The following ARHGAP18 variants were observed in gnomAD, a reference collection of about 807,000 sequenced individuals.
ARHGAP18 encodes the protein rho GTPase-activating protein 18.
Under a neutral mutation model 86.2 loss-of-function variants are expected in ARHGAP18, and 67 were observed. That is an observed-to-expected ratio of 0.78 (90% CI 0.64 to 0.95). ARHGAP18 has a LOEUF of 0.95. Among genes scored for constraint, ARHGAP18 ranks in the 40% least tolerant of loss-of-function variants. The pLI is 0.00. For synonymous variants in ARHGAP18, 283 were observed against 280.4 expected (o/e 1.01, Z -0.09); for missense variants, 691 against 780.4 (o/e 0.89, Z 1.37).
At chr6:129,630,122 C>A (rs771031839) in intron 4 of ARHGAP18, among the ~76,000 whole-genome samples, 1 of 152,148 alleles carries the variant, frequency 6.6e-6, no homozygotes, top group Non-Finnish European at 1.5e-5. Flanking sequence ...TGGGTTTGCA[C>A]CTGATCATGT....
intron 12 of ARHGAP18, among the ~76,000 whole-genome samples, chr6:129,585,594 C>T (rs9398907): frequency 6.6e-6 from 1 of 152,184 alleles, no homozygotes; most frequent in African/African-American, 2.4e-5. Flanking sequence ...GACCATCAAC[C>T]TCAGAAATCC....
At chr6:129,697,292 C>A (rs1254582003) in intron 1 of ARHGAP18, among the ~76,000 whole-genome samples, 2 of 152,180 alleles carry the variant, frequency 1.3e-5, no homozygotes, top group African/African-American at 4.8e-5. Flanking sequence ...TTGTGATCCT[C>A]CAGAATCAGA....
chr6:129,610,182 A>C (rs1386819500), intron 8 of ARHGAP18, among the ~76,000 whole-genome samples: 2 of 152,230 alleles, frequency 1.3e-5, no homozygotes, highest in Non-Finnish European at 2.9e-5. Context: ...ATAGGGTAAA[A>C]GTTAGTAGTT....
At chr6:129,708,742 T>C (rs148974761) in intron 1 of ARHGAP18, among the ~76,000 whole-genome samples, 50 of 152,360 alleles carry the variant, frequency 3.3e-4, no homozygotes, top group African/African-American at 1.2e-3. Flanking sequence ...GGTATGGGGT[T>C]GGTGTTGCAG....
At chr6:129,629,299 G>GTA (rs1378848335) in intron 5 of ARHGAP18, 54 bp downstream of exon 5, 12 of 1,405,944 alleles carry the variant, frequency 8.5e-6, no homozygotes, top group Admixed American at 5.3e-5. Flanking sequence ...ATGTGTGTGT[G>GTA]TATATATATG....
rs1773216054 is a variant in ARHGAP18, at chr6:129,631,727, AACC to A, written c.617-2208_617-2206del. ...TGAAATGCCTTAAAAAATTTTTTTTAACCACCTGACTTTAAGATTCAATTGCTT... is the reference window on the plus strand; with the variant it reads ...TGAAATGCCTTAAAAAATTTTTTTTAACCTGACTTTAAGATTCAATTGCTT... On this transcript the variant is annotated intron_variant, in intron 4 of 14. Transcript: ENST00000368149. Among the ~76,000 whole-genome samples the A allele has an allele frequency of 3.9e-5, 6 of 151,912 alleles. No individual in the cohort carries two copies. In the South Asian group the frequency reaches 1.2e-3, roughly 32 times the overall value.
intron 8 of ARHGAP18, 30 bp from the exon 9 acceptor site, chr6:129,608,082 AAAAAG>A (rs1248420971): frequency 6.5e-7 from 1 of 1,539,314 alleles, no homozygotes; most frequent in Admixed American, 2.2e-5. Flanking sequence ...AAAAAAAAAA[AAAAAG>A]AAGCAGCTAG....
intron 5 of ARHGAP18, among the ~76,000 whole-genome samples, chr6:129,625,156 G>T (rs201879613): frequency 0.49 from 2,678 of 5,504 alleles, 545 homozygotes; most frequent in Middle Eastern, 0.67. Context: ...ATATTATATA[G>T]ATATATATTA....
intron 1 of ARHGAP18, among the ~76,000 whole-genome samples, chr6:129,657,844 T>C (rs898256934): frequency 1.3e-5 from 2 of 152,250 alleles, no homozygotes; most frequent in Non-Finnish European, 2.9e-5. Context: ...GGAGTATGCA[T>C]GACAGAAAAG....
At chr6:129,594,753 T>G (rs1436654167) in intron 12 of ARHGAP18, among the ~76,000 whole-genome samples, 1 of 152,164 alleles carries the variant, frequency 6.6e-6, no homozygotes, top group African/African-American at 2.4e-5. Flanking sequence ...CCAACCAGTA[T>G]CCACATGTTG....
At chr6:129,709,402 A>G (rs1774861172) in intron 1 of ARHGAP18, among the ~76,000 whole-genome samples, 1 of 152,232 alleles carries the variant, frequency 6.6e-6, no homozygotes. Context: ...GTGATTTAAC[A>G]TTAACCACAT....
intron 1 of ARHGAP18, among the ~76,000 whole-genome samples, chr6:129,651,615 G>T (rs944151125): frequency 1.3e-5 from 2 of 152,016 alleles, no homozygotes; most frequent in African/African-American, 4.8e-5. Context: ...TTCCAGCATA[G>T]GCCTCCAGGT....
intron 1 of ARHGAP18, among the ~76,000 whole-genome samples, chr6:129,657,124 A>T (rs747059907): frequency 1.3e-5 from 2 of 152,202 alleles, no homozygotes; most frequent in African/African-American, 2.4e-5. Context: ...TTAATTTTAT[A>T]AACAGGTACA....
chr6:129,637,760 T>C (rs1189290495), intron 3 of ARHGAP18, among the ~76,000 whole-genome samples: 1 of 152,236 alleles, frequency 6.6e-6, no homozygotes, highest in African/African-American at 2.4e-5. Flanking sequence ...TCCCTGTCCA[T>C]AAATCTTCTT....
At chr6:129,598,941 G>GGT (rs71028166) in intron 12 of ARHGAP18, 664 of 212,262 alleles carry the variant, frequency 3.1e-3, no homozygotes, top group South Asian at 8.8e-3. Flanking sequence ...GGGGTGTAGG[G>GGT]GTGTGTGTGT....
At chr6:129,606,013 T>C in intron 9 of ARHGAP18, 54 bp from the exon 10 acceptor site, 1 of 1,541,554 alleles carries the variant, frequency 6.5e-7, no homozygotes, top group Non-Finnish European at 8.9e-7. Context: ...CATTTTCCTT[T>C]ACTTTATTTT....
At chr6:129,585,981 C>T (rs754804483) in intron 12 of ARHGAP18, among the ~76,000 whole-genome samples, 7 of 152,178 alleles carry the variant, frequency 4.6e-5, no homozygotes, top group Non-Finnish European at 1.0e-4. Flanking sequence ...AGTATAATTT[C>T]CCTTTGTCCT....
chr6:129,592,874 G>GA (rs1029070836), intron 12 of ARHGAP18, among the ~76,000 whole-genome samples: 1 of 151,996 alleles, frequency 6.6e-6, no homozygotes, highest in Non-Finnish European at 1.5e-5. Flanking sequence ...ATTCTAAAAG[G>GA]AAAAAACATG....
At position 129,579,159 on chromosome 6, in the gene ARHGAP18, C is replaced by A. The variant is rs142981201; in HGVS notation, c.1901-555G>T. ...TTAAATAGTTCCTTAAAAGCTTAAT[C>A]ATCTTATTAGGAGGGGCAATGGTTT... is the stretch of plus-strand genomic sequence containing the variant. On this transcript the variant is annotated intron_variant, in intron 14 of 14. Coordinates refer to ENST00000368149, the MANE Select transcript of ARHGAP18 (RefSeq NM_033515.3). 1.4e-3 allele frequency among the ~76,000 whole-genome samples: 215 copies of A among 152,164 alleles called. 2 individuals carry two copies. Among genetic ancestry groups the A allele is most frequent in the African/African-American group, 4.9e-3 (205 of 41,524 alleles).
Sources: allele counts gnomAD v4.1 joint callset (sites outside exome capture counted in the v4.1 genomes callset), GRCh38; gene constraint gnomAD v4.1.1; transcripts MANE v1.5; gene names NCBI Gene and HGNC (gene_info 2026-07-23, HGNC 2026-07-21).